RHD: variants seen among roughly 807,000 people sequenced by gnomAD.
The protein encoded by RHD is blood group Rh(D) polypeptide.
In RHD, 16 loss-of-function variants were observed where a neutral mutation model predicts 45.5. The ratio of observed to expected loss-of-function variants is 0.35; its 90% confidence interval spans 0.24 to 0.53. The LOEUF (loss-of-function observed/expected upper bound fraction) is 0.53, where lower values mean the gene tolerates loss of function less well. Among genes scored for constraint, RHD ranks in the 20% least tolerant of loss-of-function variants. The pLI is 0.92. For missense variants in RHD, 306 were observed against 532.0 expected (o/e 0.58, Z 4.18); for synonymous variants, 131 against 217.5 (o/e 0.60, Z 3.50).
At chr1:25,313,479 C>T (rs1644273806) in intron 7 of RHD, among the ~76,000 whole-genome samples, 1 of 132,648 alleles carries the variant, frequency 7.5e-6, no homozygotes, top group Non-Finnish European at 1.8e-5. Context: ...GGTTGTTAAG[C>T]ATTGCTGTAC....
rs75145965 is a variant in RHD, at chr1:25,320,691, T to G, written c.1154-1198T>G. ...CATTCCATGTGTCCTGTGAAATTCA[T>G]CCAACTTCAGGAAGCTGGAGGAATA... On this transcript the variant is annotated intron_variant, in intron 8 of 9. Coordinates refer to ENST00000328664, the MANE Select transcript of RHD (RefSeq NM_016124.6). Among the ~76,000 whole-genome samples, 5 of 132,300 alleles carry G rather than the reference T, an allele frequency of 3.8e-5. 2 individuals are homozygous for G. Among genetic ancestry groups the G allele is most frequent in the Non-Finnish European group, 9.0e-5 (5 of 55,824 alleles). The allele number at this position is 132,300 out of a possible 152,430, so 86.8% of individuals were successfully genotyped here. A position where few individuals can be genotyped will look rare whatever the true frequency, so the allele number is the denominator to read the frequency against.
intron 9 of RHD, among the ~76,000 whole-genome samples, chr1:25,322,278 G>A (rs1297341374): frequency 7.6e-6 from 1 of 132,294 alleles, no homozygotes; most frequent in Non-Finnish European, 1.8e-5. Context: ...TCTGACATGC[G>A]GGTGACAGAA....
intron 7 of RHD, among the ~76,000 whole-genome samples, chr1:25,315,222 A>T (rs1389968612): frequency 1.5e-5 from 2 of 130,152 alleles, no homozygotes; most frequent in Non-Finnish European, 3.6e-5. Context: ...ATCACTTATT[A>T]TTAGATCAAT....
rs1553148988 is a variant in RHD, at chr1:25,321,674, T to TGAATAAAATAAAATAAAATA, written c.1154-215_1154-214insGAATAAAATAAAATAAAATA. Among the ~76,000 whole-genome samples, 9 of 91,228 alleles carry TGAATAAAATAAAATAAAATA rather than the reference T, an allele frequency of 9.9e-5. 4 individuals carry two copies. The highest frequency in any genetic ancestry group is 2.4e-4 in the Non-Finnish European group (9 of 37,596). The allele number at this position is 91,228 out of a possible 152,430, so 59.8% of individuals were successfully genotyped here. A position where few individuals can be genotyped will look rare whatever the true frequency, so the allele number is the denominator to read the frequency against. On this transcript the variant is annotated intron_variant, in intron 8 of 9. Coordinates refer to ENST00000328664, the MANE Select transcript of RHD (RefSeq NM_016124.6). ...GATAGAGTGAGACTCTGTCTCAAAA[T>TGAATAAAATAAAATAAAATA]AAATAAAATAAAATAAAATAAAATA... is the stretch of plus-strand genomic sequence containing the variant.
chr1:25,316,071 C>T (rs1458403346), intron 7 of RHD, among the ~76,000 whole-genome samples: 2 of 130,956 alleles, frequency 1.5e-5, no homozygotes, highest in East Asian at 3.9e-4. Context: ...TACAACTATC[C>T]GTGGGGCTGC....
chr1:25,302,622 A>G (rs1475419711), intron 5 of RHD, among the ~76,000 whole-genome samples: 1 of 130,044 alleles, frequency 7.7e-6, no homozygotes, highest in Admixed American at 7.4e-5. Flanking sequence ...AGTGAAGGAC[A>G]TAGCAGAGCT....
At chr1:25,297,703 C>T (rs1233455644) in intron 3 of RHD, among the ~76,000 whole-genome samples, 1 of 132,490 alleles carries the variant, frequency 7.5e-6, no homozygotes, top group Admixed American at 7.3e-5. Flanking sequence ...TCTGCCTTTT[C>T]TCTCTGCTTA....
rs1342550075 is a variant in RHD, at chr1:25,282,620, A to C, written c.149-1953A>C. On this transcript the variant is annotated intron_variant, in intron 1 of 9. Transcript: ENST00000328664. ...ACTCAAAACCTATGCTTCCCCTTCC[A>C]CCTTTTTGAAAAACATTGTCTAGGC... Among the ~76,000 whole-genome samples the C allele has an allele frequency of 3.8e-5, 5 of 131,734 alleles. 2 individuals carry two copies. Among genetic ancestry groups the C allele is most frequent in the African/African-American group, 1.3e-4 (5 of 38,662 alleles). The allele number at this position is 131,734 out of a possible 152,430, so 86.4% of individuals were successfully genotyped here. A position where few individuals can be genotyped will look rare whatever the true frequency, so the allele number is the denominator to read the frequency against.
At position 25,289,605 on chromosome 1, in the gene RHD, T is replaced by C. The variant is rs1473230513; in HGVS notation, c.336-1036T>C. Among the ~76,000 whole-genome samples the C allele has an allele frequency of 2.4e-5, 3 of 126,706 alleles. 1 individual carries two copies. The highest frequency in any genetic ancestry group is 8.1e-5 in the African/African-American group (3 of 37,036). 83.1% of individuals were successfully genotyped at this position (126,706 alleles called of 152,430 possible). ...TGCTGTGGTTGTAGCATCATCATCA[T>C]TAACTCCCAGAGGGAGGAGGGAGTC... On this transcript the variant is annotated intron_variant, in intron 2 of 9. Coordinates refer to ENST00000328664, the MANE Select transcript of RHD (RefSeq NM_016124.6).
intron 3 of RHD, among the ~76,000 whole-genome samples, chr1:25,299,087 A>AAC (rs1643175499): frequency 7.9e-6 from 1 of 126,652 alleles, no homozygotes; most frequent in South Asian, 2.4e-4. Context: ...AAAAAAAAAA[A>AAC]AAAAAAAAAA....
rs1470777817 is a variant in RHD, at chr1:25,283,880, G to A, written c.149-693G>A. ...AATTAAACCAAAGTGCTCACCCTCC[G>A]CTTTGCTGGGCCCCTCCCTGCCCTC... On this transcript the variant is annotated intron_variant, in intron 1 of 9. Coordinates refer to ENST00000328664, the MANE Select transcript of RHD (RefSeq NM_016124.6). 1.5e-5 allele frequency among the ~76,000 whole-genome samples: 2 copies of A among 133,932 alleles called. 1 individual carries two copies. Among genetic ancestry groups the A allele is most frequent in the Non-Finnish European group, 3.5e-5 (2 of 57,026 alleles). 87.9% of individuals were successfully genotyped at this position (133,932 alleles called of 152,430 possible).
At position 25,288,808 on chromosome 1, in the gene RHD, C is replaced by T. The variant is rs1175698416; in HGVS notation, c.336-1833C>T. Among the ~76,000 whole-genome samples the T allele has an allele frequency of 7.1e-5, 9 of 127,184 alleles. No individual in the cohort carries two copies. In the East Asian group the frequency reaches 1.6e-3, roughly 22 times the overall value. The allele number at this position is 127,184 out of a possible 152,430, so 83.4% of individuals were successfully genotyped here. ...TGGCCCTTGAGGAATGAAATACCGC[C>T]GCCGGCACACACGCTCCTGAGTTAA... is the stretch of plus-strand genomic sequence containing the variant. On this transcript the variant is annotated intron_variant, in intron 2 of 9. Coordinates refer to ENST00000328664, the MANE Select transcript of RHD (RefSeq NM_016124.6).
intron 2 of RHD, among the ~76,000 whole-genome samples, chr1:25,290,300 T>G (rs555359214): frequency 8.0e-6 from 1 of 124,272 alleles, no homozygotes; most frequent in South Asian, 2.5e-4. Context: ...GAATCCCAGT[T>G]ATCAGATCCC....
At chr1:25,311,290 T>C in intron 7 of RHD, among the ~76,000 whole-genome samples, 1 of 130,794 alleles carries the variant, frequency 7.6e-6, no homozygotes, top group East Asian at 2.0e-4. Context: ...GTCAGCCATG[T>C]TGTAGGGAAT....
Position 25,301,016 on chromosome 1 carries a change from G to A in RHD, c.557G>A (p.Cys186Tyr), listed in dbSNP as rs1382406727. The change falls in exon 4 of 10, where the codon TGC becomes TAC. Residue 186 changes from cysteine to tyrosine, a missense_variant. Coordinates refer to ENST00000328664, the MANE Select transcript of RHD (RefSeq NM_016124.6). ...TATTTTGGGCTGTCTGTGGCCTGGT[G>A]CCTGCCAAAGCCTCTACCCGAGGGA... is the stretch of plus-strand genomic sequence containing the variant. ...AAYFGLSVAW[C>Y]LPKPLPEGTE... 1.5e-6 allele frequency: 2 copies of A among 1,378,222 alleles called. 1 individual carries two copies. The allele number at this position is 1,378,222 out of a possible 1,614,324, so 85.4% of individuals were successfully genotyped here.
At chr1:25,275,031 G>A (rs1640831202) in intron 1 of RHD, among the ~76,000 whole-genome samples, 1 of 129,282 alleles carries the variant, frequency 7.7e-6, no homozygotes. Context: ...ACTCATGCCT[G>A]TAATCCCAAA....
At position 25,297,869 on chromosome 1, in the gene RHD, G is replaced by C. The variant is rs1277546680; in HGVS notation, c.487-3077G>C. 1.5e-5 allele frequency among the ~76,000 whole-genome samples: 2 copies of C among 131,518 alleles called. 1 individual carries two copies. The highest frequency in any genetic ancestry group is 5.3e-5 in the African/African-American group (2 of 38,032). The allele number at this position is 131,518 out of a possible 152,430, so 86.3% of individuals were successfully genotyped here. ...ACAAACAAACACAAAGAACCTCCAAGGGCAGGAGGTGCTGCCAGACTCAGG... is the reference window on the plus strand; with the variant it reads ...ACAAACAAACACAAAGAACCTCCAACGGCAGGAGGTGCTGCCAGACTCAGG... On this transcript the variant is annotated intron_variant, in intron 3 of 9. Transcript: ENST00000328664.
At chr1:25,320,927 C>A (rs1239372691) in intron 8 of RHD, among the ~76,000 whole-genome samples, 1 of 131,318 alleles carries the variant, frequency 7.6e-6, no homozygotes, top group East Asian at 2.0e-4. Context: ...ACCTGTGGTC[C>A]CAGCTACTTG....
Position 25,293,364 on chromosome 1 carries a change from T to A in RHD, c.486+2573T>A, listed in dbSNP as rs1184277111. Reference sequence around the variant, plus strand: ...GGACAGTTCATCTTTTTTTTTTTTTTATACAACATTTTATTTAAAAAAATT... The same window carrying A: ...GGACAGTTCATCTTTTTTTTTTTTTAATACAACATTTTATTTAAAAAAATT... On this transcript the variant is annotated intron_variant, in intron 3 of 9. Coordinates refer to ENST00000328664, the MANE Select transcript of RHD (RefSeq NM_016124.6). 2.3e-5 allele frequency among the ~76,000 whole-genome samples: 3 copies of A among 130,148 alleles called. 1 individual carries two copies. The highest frequency in any genetic ancestry group is 5.2e-5 in the African/African-American group (2 of 38,252). 85.4% of individuals were successfully genotyped at this position (130,148 alleles called of 152,430 possible).
Sources: gnomAD v4.1 joint callset for allele counts (sites outside exome capture counted in the v4.1 genomes callset) on GRCh38, gnomAD v4.1.1 for gene constraint, MANE v1.5 for transcripts, NCBI Gene and HGNC (gene_info 2026-07-23, HGNC 2026-07-21) for gene names.